Variants in GALNT18 observed in about 807,000 individuals in gnomAD.
GALNT18 encodes polypeptide N-acetylgalactosaminyltransferase 18, also known as GalNAc-transferase 18.
In GALNT18, 44 loss-of-function variants were observed where a neutral mutation model predicts 69.5. The ratio of observed to expected loss-of-function variants is 0.63; its 90% CI spans 0.50 to 0.81. The LOEUF is 0.81. Ranked by LOEUF, GALNT18 falls within the 40% of genes least tolerant of loss-of-function variation. The pLI is 0.00. For missense variants in GALNT18, 715 were observed against 810.0 expected (o/e 0.88, Z 1.42); for synonymous variants, 364 against 318.2 (o/e 1.14, Z -1.53).
intron 10 of GALNT18, among the ~76,000 whole-genome samples, chr11:11,281,119 A>G (rs960244350): frequency 1.3e-5 from 2 of 152,156 alleles, no homozygotes; most frequent in South Asian, 4.1e-4. Flanking sequence ...CCATGCTGGG[A>G]GCAGCACGCA....
intron 9 of GALNT18, among the ~76,000 whole-genome samples, chr11:11,297,380 A>G (rs904070556): frequency 6.6e-6 from 1 of 152,172 alleles, no homozygotes; most frequent in African/African-American, 2.4e-5. Context: ...CTTACAGACG[A>G]GAAAGCTGAG....
At position 11,470,586 on chromosome 11, in the gene GALNT18, A is replaced by T. The variant is rs936364806; in HGVS notation, c.236-21650T>A. Among the ~76,000 whole-genome samples, 5 of 152,120 alleles carry T rather than the reference A, an allele frequency of 3.3e-5. No individual in the cohort carries two copies. The highest frequency in any genetic ancestry group is 5.9e-5 in the Non-Finnish European group (4 of 67,994). ...ATCGCTAGCTAATTTTGATCTTTTGATCTGTATATGATTCCTGTCTACTAC... is the reference window on the plus strand; with the variant it reads ...ATCGCTAGCTAATTTTGATCTTTTGTTCTGTATATGATTCCTGTCTACTAC... On this transcript the variant is annotated intron_variant, in intron 1 of 10. Coordinates refer to ENST00000227756, the MANE Select transcript of GALNT18 (RefSeq NM_198516.3). This position sits in a 1 kb window ranked among gnomAD's most constrained non-coding sequence, Gnocchi z 4.8.
chr11:11,599,969 A>G (rs1429509850), intron 1 of GALNT18, among the ~76,000 whole-genome samples: 2 of 152,164 alleles, frequency 1.3e-5, no homozygotes, highest in Non-Finnish European at 2.9e-5. Context: ...TCTGAAGCTT[A>G]CAATATACCT....
At chr11:11,412,617 C>A (rs1312225423) in intron 3 of GALNT18, among the ~76,000 whole-genome samples, 1 of 152,212 alleles carries the variant, frequency 6.6e-6, no homozygotes, top group Admixed American at 6.5e-5. Context: ...GCATGCCTTG[C>A]AGTTGGCCTG....
Position 11,463,255 on chromosome 11 carries a change from C to T in GALNT18, c.236-14319G>A, listed in dbSNP as rs1214514274. On this transcript the variant is annotated intron_variant, in intron 1 of 10. Coordinates refer to ENST00000227756, the MANE Select transcript of GALNT18 (RefSeq NM_198516.3). The surrounding 1 kb of genome is among the most constrained non-coding windows in gnomAD (Gnocchi z 4.2). ...AGAGAGAGAGAGAGTTCCAGAAGCC[C>T]GCAGCAGCCTACAAAAGCTCATCCT... Among the ~76,000 whole-genome samples, 5 of 152,038 alleles carry T rather than the reference C, an allele frequency of 3.3e-5. No individual in the cohort carries two copies. Among genetic ancestry groups the T allele is most frequent in the South Asian group, 2.1e-4 (1 of 4,806 alleles).
intron 9 of GALNT18, among the ~76,000 whole-genome samples, chr11:11,316,561 C>T (rs1051253553): frequency 6.6e-6 from 1 of 152,182 alleles, no homozygotes; most frequent in Non-Finnish European, 1.5e-5. Flanking sequence ...TGAGTCAAAG[C>T]ACTTCCTGGA....
At chr11:11,386,925 A>T (rs1432592184) in intron 3 of GALNT18, among the ~76,000 whole-genome samples, 1 of 152,242 alleles carries the variant, frequency 6.6e-6, no homozygotes, top group East Asian at 1.9e-4. Context: ...CCATCCCAGC[A>T]AAGAGTCTGA....
chr11:11,398,219 C>A (rs957948464), intron 3 of GALNT18, among the ~76,000 whole-genome samples: 2 of 152,156 alleles, frequency 1.3e-5, no homozygotes, highest in Non-Finnish European at 2.9e-5. Context: ...TTTTCCAAAG[C>A]GTGTTCCTTC....
intron 3 of GALNT18, among the ~76,000 whole-genome samples, chr11:11,410,192 C>T (rs945197408): frequency 3.9e-5 from 6 of 152,180 alleles, no homozygotes; most frequent in African/African-American, 1.4e-4. Flanking sequence ...CCTGTGTCCT[C>T]TCTCCCTTCA....
chr11:11,485,456 G>A (rs1184246323), intron 1 of GALNT18, among the ~76,000 whole-genome samples: 1 of 152,186 alleles, frequency 6.6e-6, no homozygotes, highest in Non-Finnish European at 1.5e-5. Context: ...ACAGCCAGAT[G>A]GAAGAAATGC....
At chr11:11,455,883 G>A (rs1250828790) in intron 1 of GALNT18, among the ~76,000 whole-genome samples, 1 of 152,166 alleles carries the variant, frequency 6.6e-6, no homozygotes, top group Non-Finnish European at 1.5e-5. Context: ...CAGGCCTGGA[G>A]TTTAAGACCA....
chr11:11,536,378 T>G (rs530411853), intron 1 of GALNT18, among the ~76,000 whole-genome samples: 1 of 152,290 alleles, frequency 6.6e-6, no homozygotes, highest in Admixed American at 6.5e-5. Context: ...GCTGTTCAAC[T>G]AGGTCTGTCT....
intron 9 of GALNT18, among the ~76,000 whole-genome samples, chr11:11,323,195 T>A (rs1849865610): frequency 6.6e-6 from 1 of 152,230 alleles, no homozygotes; most frequent in Non-Finnish European, 1.5e-5. Context: ...TAACTCATTC[T>A]AACATCAACT....
intron 10 of GALNT18, among the ~76,000 whole-genome samples, chr11:11,281,671 A>G (rs1238379997): frequency 6.6e-6 from 1 of 152,122 alleles, no homozygotes; most frequent in Non-Finnish European, 1.5e-5. Context: ...TGAGACATAA[A>G]GCATCCTTCA....
chr11:11,317,558 G>A (rs2133035865), intron 9 of GALNT18, among the ~76,000 whole-genome samples: 1 of 152,280 alleles, frequency 6.6e-6, no homozygotes, highest in East Asian at 1.9e-4. Context: ...GTCTGTTCAT[G>A]TCCTTTGCCC....
intron 6 of GALNT18, among the ~76,000 whole-genome samples, chr11:11,345,525 G>T (rs2133061437): frequency 6.6e-6 from 1 of 152,310 alleles, no homozygotes; most frequent in Non-Finnish European, 1.5e-5. Context: ...GTGGAGGATT[G>T]GGAGGGGCAG....
intron 3 of GALNT18, among the ~76,000 whole-genome samples, chr11:11,410,848 G>A (rs569282495): frequency 1.1e-4 from 17 of 152,306 alleles, no homozygotes; most frequent in Admixed American, 4.6e-4. Flanking sequence ...CTTAACCCAA[G>A]CTGTTAGCTG....
intron 3 of GALNT18, among the ~76,000 whole-genome samples, chr11:11,419,184 A>G (rs1314879211): frequency 6.6e-6 from 1 of 152,240 alleles, no homozygotes; most frequent in Non-Finnish European, 1.5e-5. Context: ...AGAGTCAGCC[A>G]TGGGGCCATC....
chr11:11,322,963 C>T (rs1037386897), intron 9 of GALNT18, among the ~76,000 whole-genome samples: 4 of 152,108 alleles, frequency 2.6e-5, no homozygotes, highest in South Asian at 2.1e-4. Flanking sequence ...GATGTCTGCT[C>T]TTATAAGGAC....
Sources: allele counts gnomAD v4.1 joint callset (sites outside exome capture counted in the v4.1 genomes callset), GRCh38; gene constraint gnomAD v4.1.1; non-coding constraint Gnocchi (gnomAD v3.1); transcripts MANE v1.5; gene names NCBI Gene and HGNC (gene_info 2026-07-23, HGNC 2026-07-21).